AFAP1L1: variants seen among roughly 807,000 people sequenced by gnomAD.
AFAP1L1 encodes the protein actin filament associated protein 1 like 1.
AFAP1L1 carries 77 observed loss-of-function variants against 99.8 expected under a neutral mutation model. The ratio of observed to expected loss-of-function variants is 0.77; its 90% CI spans 0.64 to 0.93. AFAP1L1 has a LOEUF of 0.93. AFAP1L1 is among the 40% of genes least tolerant of loss of function. The pLI, the probability that AFAP1L1 is intolerant of heterozygous loss-of-function variation, is 0.00. For missense variants in AFAP1L1, 893 were observed against 996.8 expected (o/e 0.90, Z 1.40); for synonymous variants, 373 against 395.3 (o/e 0.94, Z 0.67).
At chr5:149,322,512 A>T in intron 14 of AFAP1L1, 94 bp from the exon 15 acceptor site, 1 of 803,220 alleles carries the variant, frequency 1.2e-6, no homozygotes, top group Non-Finnish European at 1.9e-6. Context: ...TCTCAGAGCA[A>T]GAAGACTCCA....
intron 15 of AFAP1L1, among the ~76,000 whole-genome samples, chr5:149,323,057 AATT>A (rs1757001662): frequency 1.3e-5 from 2 of 152,186 alleles, no homozygotes; most frequent in Non-Finnish European, 2.9e-5. Context: ...CAGATTTGCC[AATT>A]ACTTAAAAGA....
chr5:149,297,179 A>G (rs150267188), intron 1 of AFAP1L1, among the ~76,000 whole-genome samples: 2 of 152,362 alleles, frequency 1.3e-5, no homozygotes, highest in African/African-American at 2.4e-5. Flanking sequence ...AAGTTTGGCT[A>G]AAATGATTTT....
chr5:149,313,292 A>C (rs958306038), intron 9 of AFAP1L1, among the ~76,000 whole-genome samples: 4 of 152,186 alleles, frequency 2.6e-5, no homozygotes, highest in Admixed American at 1.3e-4. Flanking sequence ...AGGAGATTAC[A>C]GTCAAGGGGA....
Position 149,320,512 on chromosome 5 carries a change from G to T in AFAP1L1, c.1698+49G>T, listed in dbSNP as rs1393065999. 1.9e-6 allele frequency: 3 copies of T among 1,538,532 alleles called. No individual in the cohort carries two copies. In the South Asian group the frequency reaches 3.4e-5, roughly 17 times the overall value. On this transcript the variant is annotated intron_variant, in intron 14 of 18. Transcript: ENST00000296721. This position sits in a 1 kb window ranked among gnomAD's most constrained non-coding sequence, Gnocchi z 4.0. ...GGAATGTGGCAAAGGCCACTTATTA[G>T]CTCTCCCTCTTTCTGCTCCCTTTAC...
chr5:149,333,094 A>G (rs1757305197), intron 17 of AFAP1L1, among the ~76,000 whole-genome samples: 1 of 152,246 alleles, frequency 6.6e-6, no homozygotes, highest in African/African-American at 2.4e-5. Context: ...TTGTCTCCAC[A>G]ACAGCAGCAC....
intron 2 of AFAP1L1, among the ~76,000 whole-genome samples, 158 bp downstream of exon 2, chr5:149,299,795 A>G (rs765193912): frequency 6.6e-6 from 1 of 151,794 alleles, no homozygotes; most frequent in African/African-American, 2.4e-5. Context: ...CGTCCAATGC[A>G]TTCCATGCGA....
intron 16 of AFAP1L1, 35 bp from the exon 17 acceptor site, chr5:149,332,660 G>A (rs376933274): frequency 1.1e-5 from 17 of 1,595,188 alleles, no homozygotes; most frequent in Admixed American, 1.8e-5. Context: ...TTCAGGTCAG[G>A]TTCAGCTTTT....
intron 9 of AFAP1L1, among the ~76,000 whole-genome samples, chr5:149,315,124 G>A (rs1039700488): frequency 6.6e-6 from 1 of 152,138 alleles, no homozygotes; most frequent in Admixed American, 6.5e-5. Flanking sequence ...ACACTTAATG[G>A]ACCTTGTATG....
intron 1 of AFAP1L1, among the ~76,000 whole-genome samples, chr5:149,285,339 G>A (rs1755643792): frequency 6.6e-6 from 1 of 152,082 alleles, no homozygotes; most frequent in South Asian, 2.1e-4. Flanking sequence ...AGCAACATTA[G>A]TAATCATAAT....
chr5:149,298,558 G>A (rs1043758888), intron 1 of AFAP1L1, among the ~76,000 whole-genome samples: 17 of 152,218 alleles, frequency 1.1e-4, no homozygotes, highest in Non-Finnish European at 2.2e-4. Context: ...AATGTAAAAG[G>A]GCTGAATATA....
At chr5:149,301,801 A>G (rs1393499171) in intron 4 of AFAP1L1, among the ~76,000 whole-genome samples, 1 of 152,234 alleles carries the variant, frequency 6.6e-6, no homozygotes, top group Non-Finnish European at 1.5e-5. Context: ...TGCATAATTC[A>G]TTGTCATCAT....
chr5:149,283,070 G>A (rs112974166), intron 1 of AFAP1L1, among the ~76,000 whole-genome samples: 7,788 of 152,246 alleles, frequency 0.051, 256 homozygotes, highest in Middle Eastern at 0.099. Context: ...TTCATCAGAA[G>A]AGCATTAGGA....
intron 1 of AFAP1L1, among the ~76,000 whole-genome samples, chr5:149,298,158 G>A (rs1367211375): frequency 2.6e-5 from 4 of 152,192 alleles, no homozygotes; most frequent in Admixed American, 2.0e-4. Context: ...GCAGCTCCGG[G>A]TCAGTGTCTC....
intron 17 of AFAP1L1, among the ~76,000 whole-genome samples, chr5:149,334,269 A>T (rs900308789): frequency 2.0e-5 from 3 of 152,108 alleles, no homozygotes; most frequent in Non-Finnish European, 4.4e-5. Flanking sequence ...GGTGTTTCCA[A>T]CCTCATTGTA....
At chr5:149,307,707 T>C (rs1756465697) in intron 7 of AFAP1L1, 94 bp downstream of exon 7, 1 of 1,327,690 alleles carries the variant, frequency 7.5e-7, no homozygotes, top group Admixed American at 2.0e-5. Flanking sequence ...GCCTTGGGCA[T>C]ACCTGGATTG....
chr5:149,279,641 T>C (rs1755452391), intron 1 of AFAP1L1, among the ~76,000 whole-genome samples: 2 of 152,242 alleles, frequency 1.3e-5, no homozygotes, highest in Admixed American at 6.5e-5. Flanking sequence ...TGGTTTCTCA[T>C]TGTTTATAAA....
chr5:149,312,271 G>GCCAGTTAGTTCCCCTGGGGTT, intron 9 of AFAP1L1, 67 bp downstream of exon 9: 1 of 1,512,640 alleles, frequency 6.6e-7, no homozygotes, highest in Non-Finnish European at 9.2e-7. Flanking sequence ...CTCAACCCCA[G>GCCAGTTAGTTCCCCTGGGGTT]GGGAACTAAC....
At position 149,321,266 on chromosome 5, in the gene AFAP1L1, G is replaced by A. The variant is rs146785977; in HGVS notation, c.1698+803G>A. On this transcript the variant is annotated intron_variant, in intron 14 of 18. Coordinates refer to ENST00000296721, the MANE Select transcript of AFAP1L1 (RefSeq NM_152406.4). ...AGATAAACCTGTGGATGCAGCTTGAGGTTTTTCTCAGTTGCAGAGTTTAGT... is the reference window on the plus strand; with the variant it reads ...AGATAAACCTGTGGATGCAGCTTGAAGTTTTTCTCAGTTGCAGAGTTTAGT... Among the ~76,000 whole-genome samples, 414 of 152,260 alleles carry A rather than the reference G, an allele frequency of 2.7e-3. 3 individuals carry two copies. The Middle Eastern group carries it at 0.041, about 15-fold the overall frequency.
In AFAP1L1 at chr5:149,299,490, C is replaced by T. The variant is rs760272259; in HGVS notation, c.17-19C>T. On this transcript the variant is annotated intron_variant, in intron 1 of 18. Coordinates refer to ENST00000296721, the MANE Select transcript of AFAP1L1 (RefSeq NM_152406.4). ...GTGACTGTGCAGCTGTGACTGTGCC[C>T]GTCTGCCTTCCTCCGCAGTGCTGGA... 34 of 1,613,476 alleles carry T rather than the reference C, an allele frequency of 2.1e-5. No individual in the cohort carries two copies. Among genetic ancestry groups the T allele is most frequent in the South Asian group, 2.0e-4 (18 of 91,052 alleles).
Sources: gnomAD v4.1 joint callset for allele counts (sites outside exome capture counted in the v4.1 genomes callset) on GRCh38, gnomAD v4.1.1 for gene constraint, Gnocchi (gnomAD v3.1) non-coding constraint, MANE v1.5 for transcripts, NCBI Gene and HGNC (gene_info 2026-07-23, HGNC 2026-07-21) for gene names.